Variants in DNM3 observed in about 807,000 individuals in gnomAD.
DNM3 encodes dynamin-3.
A neutral mutation model predicts 101.6 loss-of-function variants in DNM3; 47 were observed. The ratio of observed to expected loss-of-function variants is 0.46; its 90% CI spans 0.37 to 0.59. The LOEUF (loss-of-function observed/expected upper bound fraction) is 0.59, where lower values mean the gene tolerates loss of function less well. Among genes scored for constraint, DNM3 ranks in the 20% least tolerant of loss-of-function variants. DNM3 has a pLI of 0.00. For missense variants in DNM3, 849 were observed against 1,085.7 expected (o/e 0.78, Z 3.06); for synonymous variants, 385 against 387.9 (o/e 0.99, Z 0.09).
intron 1 of DNM3, among the ~76,000 whole-genome samples, chr1:171,880,484 G>A (rs1003573444): frequency 2.0e-5 from 3 of 152,152 alleles, no homozygotes; most frequent in African/African-American, 7.2e-5. Context: ...TTTTGGCACA[G>A]CGATCATTAA....
chr1:172,144,470 A>G, intron 14 of DNM3: 1 of 375,998 alleles, frequency 2.7e-6, no homozygotes, highest in Non-Finnish European at 5.6e-6. Context: ...TGAGATTCAA[A>G]AAAGGAGCAA....
chr1:172,309,242 A>G (rs1253171392), intron 16 of DNM3: 1 of 162,046 alleles, frequency 6.2e-6, no homozygotes, highest in African/African-American at 2.4e-5. Context: ...ATTTTAATAA[A>G]AATCTATCCC....
intron 14 of DNM3, among the ~76,000 whole-genome samples, chr1:172,215,314 G>C (rs2148538435): frequency 6.6e-6 from 1 of 152,146 alleles, no homozygotes; most frequent in South Asian, 2.1e-4. Flanking sequence ...CTTCTCTTTG[G>C]AGTGCAAACT....
chr1:171,884,704 C>T (rs1024137164), intron 1 of DNM3, among the ~76,000 whole-genome samples: 1 of 152,178 alleles, frequency 6.6e-6, no homozygotes, highest in Non-Finnish European at 1.5e-5. Context: ...CTTGTGGTTT[C>T]CCATCCTTCA....
At chr1:172,105,025 C>T (rs138332484) in intron 13 of DNM3, among the ~76,000 whole-genome samples, 83 of 152,320 alleles carry the variant, frequency 5.4e-4, no homozygotes, top group Admixed American at 2.5e-3. Context: ...AGATTAAACA[C>T]ATTAATTTAC....
At chr1:171,849,056 A>T (rs906759513) in intron 1 of DNM3, among the ~76,000 whole-genome samples, 2 of 152,264 alleles carry the variant, frequency 1.3e-5, no homozygotes, top group African/African-American at 4.8e-5. Context: ...TGATAGCAGT[A>T]GCTAGGTATC....
At chr1:172,154,029 G>A (rs2058244816) in intron 14 of DNM3, among the ~76,000 whole-genome samples, 1 of 151,456 alleles carries the variant, frequency 6.6e-6, no homozygotes, top group Non-Finnish European at 1.5e-5. Context: ...TTCATTCGTT[G>A]CTTGTGACCT....
chr1:172,248,844 ATCAAT>A (rs1490279349), intron 14 of DNM3, among the ~76,000 whole-genome samples: 1 of 152,180 alleles, frequency 6.6e-6, no homozygotes, highest in Non-Finnish European at 1.5e-5. Context: ...ACATTTTCAA[ATCAAT>A]TCAATAATAT....
At chr1:172,301,986 T>C (rs2064475820) in intron 15 of DNM3, among the ~76,000 whole-genome samples, 1 of 152,208 alleles carries the variant, frequency 6.6e-6, no homozygotes, top group South Asian at 2.1e-4. Flanking sequence ...GGGTGATTTC[T>C]GCTTTTCCAA....
chr1:172,057,080 A>G (rs951563615), intron 10 of DNM3, among the ~76,000 whole-genome samples: 1 of 152,158 alleles, frequency 6.6e-6, no homozygotes, highest in Non-Finnish European at 1.5e-5. Flanking sequence ...GATCAACTGG[A>G]AGAAAGGGTA....
chr1:172,326,024 T>G (rs1287403113), intron 17 of DNM3, among the ~76,000 whole-genome samples: 3 of 152,194 alleles, frequency 2.0e-5, no homozygotes, highest in Admixed American at 2.0e-4. Flanking sequence ...CAAATTGATC[T>G]GCTTCATCCA....
intron 2 of DNM3, among the ~76,000 whole-genome samples, chr1:171,938,980 C>T (rs1379594879): frequency 1.3e-5 from 2 of 152,072 alleles, no homozygotes; most frequent in Non-Finnish European, 2.9e-5. Flanking sequence ...ATTGGGATAC[C>T]ACTGTGAATT....
chr1:171,949,228 A>G (rs1422063684), intron 2 of DNM3, among the ~76,000 whole-genome samples: 1 of 152,218 alleles, frequency 6.6e-6, no homozygotes, highest in East Asian at 1.9e-4. Flanking sequence ...AGCTCAGTAT[A>G]TAAATAGAAA....
At chr1:172,171,956 G>T (rs2058976401) in intron 14 of DNM3, among the ~76,000 whole-genome samples, 1 of 151,638 alleles carries the variant, frequency 6.6e-6, no homozygotes, top group Admixed American at 6.6e-5. Context: ...ATGGAGGTTT[G>T]GGAGCATCAA....
intron 2 of DNM3, among the ~76,000 whole-genome samples, chr1:171,929,361 C>T (rs143017651): frequency 4.5e-4 from 68 of 152,310 alleles, no homozygotes; most frequent in Admixed American, 1.6e-3. Context: ...TTTTAAAAAG[C>T]GGTCTGGCCA....
chr1:172,334,813 G>A (rs1424860011), intron 17 of DNM3, among the ~76,000 whole-genome samples: 1 of 152,058 alleles, frequency 6.6e-6, no homozygotes, highest in Non-Finnish European at 1.5e-5. Flanking sequence ...ATGTTACAAA[G>A]AATTGCCTTA....
At chr1:172,319,134 A>G (rs2065562044) in intron 16 of DNM3, among the ~76,000 whole-genome samples, 2 of 152,174 alleles carry the variant, frequency 1.3e-5, no homozygotes, top group African/African-American at 2.4e-5. Context: ...ACAAGCAATG[A>G]GGAAAGGTTT....
intron 13 of DNM3, among the ~76,000 whole-genome samples, chr1:172,128,290 C>T (rs111502861): frequency 6.6e-6 from 1 of 152,186 alleles, no homozygotes; most frequent in African/African-American, 2.4e-5. Flanking sequence ...ATCTGTGTTT[C>T]CTACAGCTAC....
chr1:172,159,538 A>G lies in DNM3; in HGVS notation c.1659+28250A>G, dbSNP rs190689675. ...CCAGTGCTAAGTTGATTTTCATGAA[A>G]TCTATCTTAAGAAGTAGATGATGTG... On this transcript the variant is annotated intron_variant, in intron 14 of 20. Transcript: ENST00000627582. Among the ~76,000 whole-genome samples the G allele has an allele frequency of 1.1e-4, 17 of 152,236 alleles. No individual in the cohort carries two copies. The East Asian group carries it at 3.3e-3, about 29-fold the overall frequency.
Sources: gnomAD v4.1 joint callset for allele counts (sites outside exome capture counted in the v4.1 genomes callset) on GRCh38, gnomAD v4.1.1 for gene constraint, MANE v1.5 for transcripts, NCBI Gene and HGNC (gene_info 2026-07-23, HGNC 2026-07-21) for gene names.